ESRRG: variants seen among roughly 807,000 people sequenced by gnomAD.
ESRRG encodes estrogen related receptor gamma.
A neutral mutation model predicts 44.0 loss-of-function variants in ESRRG; 13 were observed. That is an observed-to-expected ratio of 0.30 (90% CI 0.19 to 0.47). The LOEUF (loss-of-function observed/expected upper bound fraction) is 0.47, where lower values mean the gene tolerates loss of function less well. Ranked by LOEUF, ESRRG falls within the 20% of genes least tolerant of loss-of-function variation. The pLI, the probability that ESRRG is intolerant of heterozygous loss-of-function variation, is 1.00. For missense variants in ESRRG, 395 were observed against 580.6 expected, an observed-to-expected ratio of 0.68 and a Z score of 3.29; for synonymous variants, 215 against 214.6, an observed-to-expected ratio of 1.00 and a Z score of -0.02.
chr1:216,874,753 T>G (rs2096321157), intron 2 of ESRRG, among the ~76,000 whole-genome samples: 1 of 152,056 alleles, frequency 6.6e-6, no homozygotes, highest in African/African-American at 2.4e-5. Flanking sequence ...GAGGGAGAGG[T>G]GGACCCACCC....
At chr1:216,883,718 T>G (rs538806058) in intron 2 of ESRRG, among the ~76,000 whole-genome samples, 1 of 152,268 alleles carries the variant, frequency 6.6e-6, no homozygotes, top group South Asian at 2.1e-4. Context: ...ATACACCCCC[T>G]AATGGTAGCA....
Position 216,556,989 on chromosome 1 carries a change from C to A in ESRRG, c.862+7230G>T, listed in dbSNP as rs527330030. Among the ~76,000 whole-genome samples the A allele has an allele frequency of 3.9e-5, 6 of 152,288 alleles. No individual in the cohort carries two copies. The East Asian group carries it at 1.2e-3, about 29-fold the overall frequency. ...TATATGGTCAAGTCTTGCACAACTA[C>A]TCACTTCTGCTCCAATTTACCTATA... On this transcript the variant is annotated intron_variant, in intron 5 of 6. Transcript: ENST00000408911.
intron 3 of ESRRG, among the ~76,000 whole-genome samples, chr1:216,575,113 A>G (rs1473169345): frequency 6.6e-6 from 1 of 152,130 alleles, no homozygotes; most frequent in Non-Finnish European, 1.5e-5. Flanking sequence ...CTTCGGGACA[A>G]TATCCTGAGA....
At chr1:217,006,118 C>T (rs1376133170) in intron 1 of ESRRG, among the ~76,000 whole-genome samples, 1 of 152,050 alleles carries the variant, frequency 6.6e-6, no homozygotes, top group Non-Finnish European at 1.5e-5. Flanking sequence ...GTCCTTTTGG[C>T]TTATTATCAG....
At chr1:216,719,904 C>T (rs2085826584) in intron 1 of ESRRG, among the ~76,000 whole-genome samples, 1 of 152,088 alleles carries the variant, frequency 6.6e-6, no homozygotes, top group South Asian at 2.1e-4. Flanking sequence ...CTTAGCTCTG[C>T]CCAGGAAATG....
At chr1:216,524,307 T>A (rs1371159729) in intron 5 of ESRRG, among the ~76,000 whole-genome samples, 1 of 147,784 alleles carries the variant, frequency 6.8e-6, no homozygotes, top group African/African-American at 2.5e-5. Context: ...TACACACACT[T>A]TTTTTTCATG....
intron 2 of ESRRG, among the ~76,000 whole-genome samples, chr1:216,760,882 C>G: frequency 6.6e-6 from 1 of 152,008 alleles, no homozygotes; most frequent in East Asian, 1.9e-4. Flanking sequence ...GGTGATAAAA[C>G]ATCCCAGTTG....
intron 2 of ESRRG, among the ~76,000 whole-genome samples, chr1:216,774,566 C>T (rs1048727829): frequency 3.3e-5 from 5 of 152,038 alleles, no homozygotes; most frequent in East Asian, 3.9e-4. Flanking sequence ...TATACCACTG[C>T]GTACTTTCCT....
intron 1 of ESRRG, among the ~76,000 whole-genome samples, chr1:216,717,464 T>A (rs1053377911): frequency 2.0e-5 from 3 of 151,788 alleles, no homozygotes; most frequent in Non-Finnish European, 4.4e-5. Context: ...CACCCTCAGA[T>A]AATAAAGGAG....
chr1:217,031,714 A>T (rs1394605303), intron 1 of ESRRG, among the ~76,000 whole-genome samples: 1 of 152,190 alleles, frequency 6.6e-6, no homozygotes, highest in East Asian at 1.9e-4. Context: ...TAACTGAATC[A>T]CAGTTTCCCC....
rs150010129 is a variant in ESRRG at position 216,628,920 on chromosome 1, G to A, written c.589+22053C>T. On this transcript the variant is annotated intron_variant, in intron 3 of 6. Transcript: ENST00000408911. Reference sequence around the variant, plus strand: ...CATTTGTAACAACTCTCATTTCCTCGAAGGAGCAAAACTCTCTCTCAGCCT... The same window carrying A: ...CATTTGTAACAACTCTCATTTCCTCAAAGGAGCAAAACTCTCTCTCAGCCT... 6.1e-3 allele frequency among the ~76,000 whole-genome samples: 927 copies of A among 152,126 alleles called. 8 individuals carry two copies. Among genetic ancestry groups the A allele is most frequent in the African/African-American group, 0.021 (892 of 41,496 alleles).
Position 216,791,937 on chromosome 1 carries a change from C to T in ESRRG, c.-13-114446G>A, listed in dbSNP as rs556798551. On this transcript the variant is annotated intron_variant, in intron 2 of 7. Coordinates refer to the ESRRG transcript ENST00000359162. Reference sequence around the variant, plus strand: ...CCCTTCCTTTTTTTCTTTTCTTTTCCACAAAAATTACAATTAGTCCCATTG... The same window carrying T: ...CCCTTCCTTTTTTTCTTTTCTTTTCTACAAAAATTACAATTAGTCCCATTG... Among the ~76,000 whole-genome samples the T allele has an allele frequency of 3.9e-5, 6 of 151,996 alleles. No homozygotes were observed. The South Asian group carries it at 6.2e-4, about 16-fold the overall frequency.
chr1:216,908,775 ATGT>A (rs542743221), intron 2 of ESRRG, among the ~76,000 whole-genome samples: 173 of 151,752 alleles, frequency 1.1e-3, no homozygotes, highest in African/African-American at 4.0e-3. Context: ...AATTTACCTA[ATGT>A]TGTTGGGCAC....
intron 5 of ESRRG, among the ~76,000 whole-genome samples, chr1:216,527,964 TG>T (rs760253822): frequency 8.0e-5 from 12 of 150,638 alleles, no homozygotes; most frequent in Non-Finnish European, 1.8e-4. Flanking sequence ...TGGAGATCTC[TG>T]ATTTGTTTCC....
intron 1 of ESRRG, among the ~76,000 whole-genome samples, chr1:217,088,263 C>T (rs1429508720): frequency 6.6e-6 from 1 of 152,154 alleles, no homozygotes; most frequent in Non-Finnish European, 1.5e-5. Context: ...TGCTCTGAAA[C>T]ATACTTCACA....
intron 2 of ESRRG, among the ~76,000 whole-genome samples, chr1:216,861,735 A>C (rs1056771497): frequency 2.0e-5 from 3 of 152,168 alleles, no homozygotes; most frequent in African/African-American, 7.2e-5. Flanking sequence ...TTTAAAAGAC[A>C]CTGTTGTGAG....
chr1:216,811,417 A>G (rs1216709609), intron 2 of ESRRG, among the ~76,000 whole-genome samples: 2 of 152,170 alleles, frequency 1.3e-5, no homozygotes, highest in African/African-American at 4.8e-5. Flanking sequence ...TTTTAGGGAA[A>G]CATAACAATG....
Position 216,506,191 on chromosome 1 carries a change from T to G in ESRRG, c.*748A>C, listed in dbSNP as rs2041167641. 6.5e-6 allele frequency: 1 copy of G among 153,824 alleles called. No homozygotes were observed. Among genetic ancestry groups the G allele is most frequent in the Admixed American group, 6.5e-5 (1 of 15,436 alleles). 9.5% of individuals were successfully genotyped at this position (153,824 alleles called of 1,614,324 possible). A position where few individuals can be genotyped will look rare whatever the true frequency, so the allele number is the denominator to read the frequency against. ...TGCAACGTTGCTTAAGTTGTCTAAT[T>G]AGAGGCTGCTCCCATGAAATCTAAT... On this transcript the variant is annotated 3_prime_UTR_variant, in exon 7 of 7. Coordinates refer to ENST00000408911, the MANE Select transcript of ESRRG (RefSeq NM_001438.4).
intron 2 of ESRRG, among the ~76,000 whole-genome samples, chr1:216,848,213 T>C (rs2095788916): frequency 2.0e-5 from 3 of 152,108 alleles, no homozygotes; most frequent in Admixed American, 6.6e-5. Flanking sequence ...AAGTACACAC[T>C]GCACTTGCCC....
Sources: allele counts gnomAD v4.1 joint callset (sites outside exome capture counted in the v4.1 genomes callset), GRCh38; gene constraint gnomAD v4.1.1; transcripts MANE v1.5; gene names NCBI Gene and HGNC (gene_info 2026-07-23, HGNC 2026-07-21).